Variants in MBNL1 observed in about 807,000 individuals in gnomAD.
The protein encoded by MBNL1 is muscleblind like splicing regulator 1, also known as muscleblind-like protein 1.
In MBNL1, 8 loss-of-function variants were observed where a neutral mutation model predicts 42.2. The ratio of observed to expected loss-of-function variants is 0.19; its 90% CI spans 0.11 to 0.34. The LOEUF (loss-of-function observed/expected upper bound fraction) is 0.34, where lower values mean the gene tolerates loss of function less well. Ranked by LOEUF, MBNL1 falls within the 10% of genes least tolerant of loss-of-function variation. The probability of loss-of-function intolerance (pLI) is 1.00; values close to 1 mark genes in which losing one functional copy is unlikely to be tolerated. For synonymous variants in MBNL1, 169 were observed against 173.9 expected (o/e 0.97, Z 0.22); for missense variants, 309 against 495.3 (o/e 0.62, Z 3.57).
chr3:152,319,749 A>G (rs1236226557), intron 2 of MBNL1, among the ~76,000 whole-genome samples: 1 of 151,754 alleles, frequency 6.6e-6, no homozygotes, highest in African/African-American at 2.4e-5. Context: ...AAAATATACA[A>G]TGCTCAACAT....
intron 2 of MBNL1, among the ~76,000 whole-genome samples, chr3:152,366,599 A>C (rs969395472): frequency 6.6e-6 from 1 of 152,170 alleles, no homozygotes; most frequent in Non-Finnish European, 1.5e-5. Context: ...TTTTCAGTTC[A>C]TTGTTATATT....
At chr3:152,245,512 A>G (rs572990027) in intron 2 of MBNL1, among the ~76,000 whole-genome samples, 1 of 152,332 alleles carries the variant, frequency 6.6e-6, no homozygotes, top group South Asian at 2.1e-4. Flanking sequence ...TGGTAAGTAT[A>G]AATATCCCAA....
intron 2 of MBNL1, chr3:152,340,451 A>T: frequency 6.7e-7 from 1 of 1,492,948 alleles, no homozygotes; most frequent in Non-Finnish European, 9.0e-7. Flanking sequence ...TTTTTTTTTA[A>T]GTAAAATATC....
At chr3:152,266,054 C>T (rs368541048), upstream of MBNL1, 127 of 152,234 alleles carry the variant, frequency 8.3e-4, no homozygotes, top group African/African-American at 2.8e-3. Flanking sequence ...TGTTACAGTG[C>T]TTTAAAATTT....
intron 4 of MBNL1, among the ~76,000 whole-genome samples, chr3:152,434,540 T>C (rs1314531404): frequency 1.3e-5 from 2 of 152,252 alleles, no homozygotes; most frequent in Admixed American, 1.3e-4. Context: ...GGTAGAATGA[T>C]TTATATTCCT....
chr3:152,443,312 A>G (rs1275570218), intron 4 of MBNL1, among the ~76,000 whole-genome samples: 1 of 151,942 alleles, frequency 6.6e-6, no homozygotes, highest in Non-Finnish European at 1.5e-5. Context: ...CCTGCTGCCA[A>G]TTCATTTTGA....
chr3:152,247,998 G>GT (rs1053352440), intron 2 of MBNL1, among the ~76,000 whole-genome samples: 113 of 150,170 alleles, frequency 7.5e-4, no homozygotes, highest in African/African-American at 2.4e-3. Context: ...TGAGCCTTTA[G>GT]TTTTTTTTTA....
upstream of MBNL1, chr3:152,265,087 AAAG>A (rs1219936250): frequency 6.6e-6 from 1 of 152,204 alleles, no homozygotes; most frequent in Non-Finnish European, 1.5e-5. Context: ...GAATTCTACA[AAAG>A]AAGGTCTCAC....
At chr3:152,428,340 A>G (rs2098963186) in intron 3 of MBNL1, among the ~76,000 whole-genome samples, 1 of 152,226 alleles carries the variant, frequency 6.6e-6, no homozygotes, top group African/African-American at 2.4e-5. Flanking sequence ...AGGAGCCTCC[A>G]GTCTTGTCAG....
At chr3:152,332,047 T>G (rs550195359) in intron 2 of MBNL1, among the ~76,000 whole-genome samples, 66 of 152,296 alleles carry the variant, frequency 4.3e-4, no homozygotes, top group Admixed American at 2.2e-3. Flanking sequence ...TTAATGCAGC[T>G]GATTGCATTG....
intron 2 of MBNL1, among the ~76,000 whole-genome samples, chr3:152,258,305 A>G (rs1015468691): frequency 1.4e-4 from 21 of 152,238 alleles, no homozygotes; most frequent in African/African-American, 5.1e-4. Context: ...GTCATTTATT[A>G]TCATAATTCC....
rs1370377710 is a variant in MBNL1, at chr3:152,464,216, C to G, written c.*1850C>G. 6.6e-6 allele frequency: 1 copy of G among 152,128 alleles called. No individual in the cohort carries two copies. Among genetic ancestry groups the G allele is most frequent in the African/African-American group, 2.4e-5 (1 of 41,350 alleles). 9.4% of individuals were successfully genotyped at this position (152,128 alleles called of 1,614,324 possible). A position where few individuals can be genotyped will look rare whatever the true frequency, so the allele number is the denominator to read the frequency against. On this transcript the variant is annotated 3_prime_UTR_variant, in exon 10 of 10. Transcript: ENST00000324210. ...TATAGACTTGTTTTATTAGATTTTA[C>G]CAATGAATTTTTCAAAATACAAAAA...
chr3:152,356,073 A>G (rs138730276), intron 2 of MBNL1, among the ~76,000 whole-genome samples: 69 of 152,310 alleles, frequency 4.5e-4, no homozygotes, highest in Non-Finnish European at 2.5e-4. Flanking sequence ...GGAAGAAGCA[A>G]GAATTCCAGA....
At chr3:152,403,408 G>A (rs905633006) in intron 2 of MBNL1, among the ~76,000 whole-genome samples, 1 of 152,136 alleles carries the variant, frequency 6.6e-6, no homozygotes, top group Non-Finnish European at 1.5e-5. Context: ...AGACTCATCT[G>A]TAGATACTTG....
intron 2 of MBNL1, among the ~76,000 whole-genome samples, chr3:152,407,564 A>G (rs2098463356): frequency 6.6e-6 from 1 of 152,178 alleles, no homozygotes; most frequent in South Asian, 2.1e-4. Flanking sequence ...TAAAGATGGT[A>G]AAACTATGAA....
chr3:152,315,864 ACACTCT>A lies in MBNL1; in HGVS notation c.174+15499_174+15504del, dbSNP rs752054863. 2.2e-3 allele frequency among the ~76,000 whole-genome samples: 259 copies of A among 118,700 alleles called. 1 individual carries two copies. The highest frequency in any genetic ancestry group is 0.012 in the South Asian group (43 of 3,450). The allele number at this position is 118,700 out of a possible 152,430, so 77.9% of individuals were successfully genotyped here. A position where few individuals can be genotyped will look rare whatever the true frequency, so the allele number is the denominator to read the frequency against. On this transcript the variant is annotated intron_variant, in intron 2 of 9. Coordinates refer to ENST00000324210, the MANE Select transcript of MBNL1 (RefSeq NM_021038.5). ...CGTGTGAACACACACACACACACAC[ACACTCT>A]CTCTCTCTCTCTCTCTCACTCCTCT... is the stretch of plus-strand genomic sequence containing the variant.
At position 152,370,986 on chromosome 3, in the gene MBNL1, A is replaced by G. The variant is rs554725508; in HGVS notation, c.175-43955A>G. Reference sequence around the variant, plus strand: ...TCTGTGTCTTTTAACGGGGGCATTTAGCCTGTTTACATTTAAGGTTAATAT... The same window carrying G: ...TCTGTGTCTTTTAACGGGGGCATTTGGCCTGTTTACATTTAAGGTTAATAT... On this transcript the variant is annotated intron_variant, in intron 2 of 9. Transcript: ENST00000324210. Among the ~76,000 whole-genome samples, 113 of 152,230 alleles carry G rather than the reference A, an allele frequency of 7.4e-4. 1 individual carries two copies. Among genetic ancestry groups the G allele is most frequent in the African/African-American group, 2.6e-3 (110 of 41,522 alleles).
chr3:152,338,293 A>G, intron 2 of MBNL1: 1 of 985,318 alleles, frequency 1.0e-6, no homozygotes, highest in Non-Finnish European at 1.2e-6. Flanking sequence ...CTCTTCTCCC[A>G]GGGTGTTGTG....
chr3:152,269,919 T>C (rs1408372139), intron 1 of MBNL1: 1 of 132,724 alleles, frequency 7.5e-6, no homozygotes, highest in East Asian at 2.6e-4. Context: ...CCCCCAACTT[T>C]TTTTTTTTTT....
Sources: gnomAD v4.1 joint callset for allele counts (sites outside exome capture counted in the v4.1 genomes callset) on GRCh38, gnomAD v4.1.1 for gene constraint, MANE v1.5 for transcripts, NCBI Gene and HGNC (gene_info 2026-07-23, HGNC 2026-07-21) for gene names.